SMS: variants seen among roughly 807,000 people sequenced by gnomAD.
The protein encoded by SMS is spermine synthase, also known as spermidine aminopropyltransferase.
Under a neutral mutation model 33.0 loss-of-function variants are expected in SMS, and 3 were observed. The observed-to-expected ratio is 0.09, with a 90% CI of 0.04 to 0.23. The LOEUF is 0.23. Among genes scored for constraint, SMS ranks in the 10% least tolerant of loss-of-function variants. The pLI is 1.00. For missense variants in SMS, 117 were observed against 288.6 expected (o/e 0.41, Z 4.31); for synonymous variants, 103 against 112.2 (o/e 0.92, Z 0.52).
chrX:21,950,654 T>C (rs1472612993), intron 1 of SMS, among the ~76,000 whole-genome samples: 1 of 108,273 alleles, frequency 9.2e-6, no homozygotes, highest in Non-Finnish European at 1.9e-5. Context: ...TGTTCATGTG[T>C]TCTCATTGTT....
intron 1 of SMS, among the ~76,000 whole-genome samples, chrX:21,949,746 A>G (rs1363282027): frequency 1.8e-5 from 2 of 111,727 alleles, no homozygotes; most frequent in Non-Finnish European, 3.8e-5. Flanking sequence ...GGCATTCCAA[A>G]TTCCTTTGCT....
intron 1 of SMS, among the ~76,000 whole-genome samples, chrX:21,946,451 C>T (rs374444503): frequency 8.9e-6 from 1 of 112,621 alleles, no homozygotes; most frequent in East Asian, 2.8e-4. Flanking sequence ...CTCAAAATAA[C>T]CCTAGGTAGG....
chrX:21,982,788 G>A (rs184909108), intron 7 of SMS, among the ~76,000 whole-genome samples: 2 of 112,482 alleles, frequency 1.8e-5, no homozygotes, highest in South Asian at 3.6e-4. Context: ...GCAAGTATTC[G>A]TAAGAATCTG....
In SMS at chrX:21,994,249, A is replaced by G; in HGVS notation, c.1062-63A>G. The G allele has an allele frequency of 2.9e-6, 3 of 1,039,455 alleles. No homozygotes were observed. In the Admixed American group the frequency reaches 6.6e-5, roughly 23 times the overall value. The allele number at this position is 1,039,455 out of a possible 1,213,427, so 85.7% of individuals were successfully genotyped here. On this transcript the variant is annotated intron_variant, in intron 10 of 10. Transcript: ENST00000404933. Reference sequence around the variant, plus strand: ...CTTTCAATTTGTAGGCCAGCAAACGAATTACAAGTGATGTCTTTTCTTCCT... The same window carrying G: ...CTTTCAATTTGTAGGCCAGCAAACGGATTACAAGTGATGTCTTTTCTTCCT...
At chrX:21,964,692 TGTC>T (rs1923580220) in intron 1 of SMS, among the ~76,000 whole-genome samples, 1 of 112,027 alleles carries the variant, frequency 8.9e-6, no homozygotes, top group African/African-American at 3.2e-5. Context: ...TTCCAGATGT[TGTC>T]CATGAGTTTT....
chrX:21,970,093 T>C (rs1031457378), intron 2 of SMS, among the ~76,000 whole-genome samples: 5 of 113,102 alleles, frequency 4.4e-5, no homozygotes, highest in African/African-American at 1.6e-4. Flanking sequence ...ATTACAGGCA[T>C]GAGCCACCGC....
At chrX:21,947,932 A>G (rs1012784812) in intron 1 of SMS, among the ~76,000 whole-genome samples, 10 of 111,163 alleles carry the variant, frequency 9.0e-5, no homozygotes, top group Admixed American at 8.6e-4. Context: ...AAAATATTTT[A>G]TGGGCTGCTT....
rs1224045759 is a variant in SMS, at chrX:21,940,864, G to A, written c.40G>A (p.Gly14Ser). ...GCACAGCACGCTCGACTTCATGCTC[G>A]GCGCCAAAGGTGAGGGCGCCCGCCG... ...ARHSTLDFML[G>S]AKADGETILK... The change falls in exon 1 of 11, where the codon GGC (glycine) becomes AGC (serine). Residue 14 changes from glycine to serine, a missense_variant. Physicochemically the swap from Gly to Ser is moderately conservative, Grantham distance 56. Transcript: ENST00000404933. 6.4e-6 allele frequency: 7 copies of A among 1,100,878 alleles called. No individual in the cohort carries two copies. Among genetic ancestry groups the A allele is most frequent in the Non-Finnish European group, 7.1e-6 (6 of 843,976 alleles). 90.7% of individuals were successfully genotyped at this position (1,100,878 alleles called of 1,213,427 possible). A position where few individuals can be genotyped will look rare whatever the true frequency, so the allele number is the denominator to read the frequency against.
At chrX:21,946,553 T>A (rs1002406476) in intron 1 of SMS, among the ~76,000 whole-genome samples, 1 of 111,604 alleles carries the variant, frequency 9.0e-6, no homozygotes, top group Non-Finnish European at 1.9e-5. Context: ...AAAGCCATGT[T>A]TGTTTGATTG....
chrX:21,942,310 G>A (rs927579858), intron 1 of SMS, among the ~76,000 whole-genome samples: 2 of 111,362 alleles, frequency 1.8e-5, no homozygotes, highest in Admixed American at 1.9e-4. Flanking sequence ...TGAAGACTGA[G>A]GATTTGGAGC....
intron 7 of SMS, among the ~76,000 whole-genome samples, chrX:21,982,982 G>A (rs1429434019): frequency 8.9e-6 from 1 of 112,089 alleles, no homozygotes; most frequent in Non-Finnish European, 1.9e-5. Context: ...GAGGCTATAA[G>A]AAGAATGATG....
intron 1 of SMS, among the ~76,000 whole-genome samples, chrX:21,944,947 C>G (rs1922108448): frequency 8.9e-6 from 1 of 112,023 alleles, no homozygotes; most frequent in Non-Finnish European, 1.9e-5. Context: ...CCACTGCACT[C>G]CAGCCTGGGC....
intron 10 of SMS, among the ~76,000 whole-genome samples, chrX:21,993,330 T>G (rs1170283658): frequency 8.9e-6 from 1 of 112,876 alleles, no homozygotes; most frequent in Non-Finnish European, 1.9e-5. Context: ...TTAACATTGG[T>G]GTTCTCTGTT....
intron 1 of SMS, among the ~76,000 whole-genome samples, chrX:21,959,256 G>C (rs1249330059): frequency 8.9e-6 from 1 of 112,518 alleles, no homozygotes; most frequent in Non-Finnish European, 1.9e-5. Context: ...TTAAAATTAA[G>C]TTAAACTTTT....
intron 7 of SMS, among the ~76,000 whole-genome samples, 165 bp downstream of exon 7, chrX:21,979,131 C>T (rs188445947): frequency 9.7e-4 from 108 of 110,807 alleles, no homozygotes; most frequent in Non-Finnish European, 1.8e-3. Flanking sequence ...AGGGTGCACA[C>T]GTACCAATGA....
chrX:21,978,568 T>G (rs1924694272), intron 6 of SMS, among the ~76,000 whole-genome samples: 1 of 111,728 alleles, frequency 9.0e-6, no homozygotes, highest in Admixed American at 9.5e-5. Flanking sequence ...AGTAAGACTC[T>G]GTCTCAAAAA....
At chrX:21,959,997 T>G (rs1923230695) in intron 1 of SMS, 8 of 677,754 alleles carry the variant, frequency 1.2e-5, no homozygotes, top group Non-Finnish European at 1.4e-5. Flanking sequence ...GTGGTAAGCA[T>G]GGGCGGGGAA....
At chrX:21,968,794 A>G (rs1342432266) in intron 2 of SMS, among the ~76,000 whole-genome samples, 2 of 112,190 alleles carry the variant, frequency 1.8e-5, no homozygotes, top group Middle Eastern at 4.2e-3. Context: ...TGCACTATTA[A>G]TTTAGAAATG....
chrX:21,970,179 C>G (rs750619202), intron 2 of SMS, among the ~76,000 whole-genome samples: 2 of 112,118 alleles, frequency 1.8e-5, no homozygotes, highest in Non-Finnish European at 3.8e-5. Context: ...GTACCCACCC[C>G]GAGGTGCCTG....
Sources: allele counts gnomAD v4.1 joint callset (sites outside exome capture counted in the v4.1 genomes callset), GRCh38; gene constraint gnomAD v4.1.1; transcripts MANE v1.5; gene names NCBI Gene and HGNC (gene_info 2026-07-23, HGNC 2026-07-21).